The following DAB2IP variants were observed in gnomAD, a reference collection of about 807,000 sequenced individuals.
DAB2IP encodes the protein disabled homolog 2-interacting protein.
A neutral mutation model predicts 107.2 loss-of-function variants in DAB2IP; 28 were observed. That is an observed-to-expected ratio of 0.26 (90% CI 0.19 to 0.36). The LOEUF (loss-of-function observed/expected upper bound fraction) is 0.36, where lower values mean the gene tolerates loss of function less well. Ranked by LOEUF, DAB2IP falls within the 10% of genes least tolerant of loss-of-function variation. The pLI is 1.00. For synonymous variants in DAB2IP, 755 were observed against 706.4 expected (o/e 1.07, Z -1.09); for missense variants, 1,400 against 1,644.7 (o/e 0.85, Z 2.57).
chr9:121,648,981 T>C (rs940634551), upstream of DAB2IP, among the ~76,000 whole-genome samples: 6 of 152,076 alleles, frequency 3.9e-5, no homozygotes, highest in African/African-American at 1.4e-4. Context: ...CCCAGCAGGA[T>C]TGATTCCAGG....
At chr9:121,764,131 G>C (rs900939527) in intron 8 of DAB2IP, among the ~76,000 whole-genome samples, 9 of 152,254 alleles carry the variant, frequency 5.9e-5, no homozygotes, top group African/African-American at 1.9e-4. Context: ...TGTGCCGGGG[G>C]CTATTGTGGG....
intron 3 of DAB2IP, among the ~76,000 whole-genome samples, chr9:121,718,248 G>GGCTC (rs1411014596): frequency 1.3e-5 from 2 of 152,158 alleles, no homozygotes; most frequent in East Asian, 3.9e-4. Context: ...CGCCCTCCAA[G>GGCTC]GCTCACTCAC....
Position 121,684,468 on chromosome 9 carries a change from T to G in DAB2IP, c.228+5687T>G, listed in dbSNP as rs1040656011. Among the ~76,000 whole-genome samples the G allele has an allele frequency of 6.6e-6, 1 of 152,170 alleles. No individual in the cohort carries two copies. Among genetic ancestry groups the G allele is most frequent in the Non-Finnish European group, 1.5e-5 (1 of 68,028 alleles). On this transcript the variant is annotated intron_variant, in intron 2 of 15. Coordinates refer to ENST00000408936, the Ensembl canonical transcript of DAB2IP. The surrounding 1 kb of genome is among the most constrained non-coding windows in gnomAD (Gnocchi z 4.0). The stretch of plus-strand genomic sequence containing the variant: ...TTCTCCCAGCCCCCATCACATTTCC[T>G]GGGAGGAATGGGTGTTCTTTGGTCC...
chr9:121,761,374 T>C (rs1302313486), intron 6 of DAB2IP, among the ~76,000 whole-genome samples: 3 of 152,214 alleles, frequency 2.0e-5, no homozygotes, highest in African/African-American at 7.2e-5. Flanking sequence ...CAGTGGCGTG[T>C]TGTGAGCCAA....
intron 1 of DAB2IP, among the ~76,000 whole-genome samples, chr9:121,571,650 A>G (rs1467025548): frequency 1.3e-5 from 2 of 152,116 alleles, no homozygotes. Context: ...TTCTGATTGC[A>G]TCCATCAGGT....
chr9:121,720,762 TG>T (rs138847992), intron 3 of DAB2IP, among the ~76,000 whole-genome samples: 1,703 of 152,308 alleles, frequency 0.011, 28 homozygotes, highest in African/African-American at 0.038. Flanking sequence ...AGTAGGCACC[TG>T]GCTCATCCTC....
intron 1 of DAB2IP, among the ~76,000 whole-genome samples, chr9:121,583,527 A>G (rs1037389912): frequency 6.6e-6 from 1 of 152,132 alleles, no homozygotes; most frequent in Non-Finnish European, 1.5e-5. Context: ...TCAGAGCAAT[A>G]CTATTTCTCT....
At chr9:121,620,951 CCCTT>C (rs1224023596) in intron 1 of DAB2IP, among the ~76,000 whole-genome samples, 1 of 152,220 alleles carries the variant, frequency 6.6e-6, no homozygotes, top group Non-Finnish European at 1.5e-5. Flanking sequence ...ACATGAAAGG[CCCTT>C]CCTTTCTCCT....
Position 121,782,572 on chromosome 9 carries a change from G to A in DAB2IP, c.*74G>A. 6.4e-7 allele frequency: 1 copy of A among 1,569,696 alleles called. No individual in the cohort carries two copies. The highest frequency in any genetic ancestry group is 8.7e-7 in the Non-Finnish European group (1 of 1,153,864). On this transcript the variant is annotated 3_prime_UTR_variant, in exon 16 of 16. Transcript: ENST00000408936. The surrounding 1 kb of genome is among the most constrained non-coding windows in gnomAD (Gnocchi z 6.1). ...GCCAAGGGCAGGGTCTCGGCCTGGG[G>A]AGGCACCCACGGTTGCAGCCCCAGC... is the stretch of plus-strand genomic sequence containing the variant.
At chr9:121,712,385 G>A (rs1369391735) in intron 3 of DAB2IP, among the ~76,000 whole-genome samples, 1 of 152,234 alleles carries the variant, frequency 6.6e-6, no homozygotes, top group Admixed American at 6.5e-5. Flanking sequence ...AGCCCAAAGG[G>A]AGCAATGCTT....
chr9:121,759,819 CT>C, intron 5 of DAB2IP, 65 bp from the exon 6 acceptor site: 1 of 1,459,312 alleles, frequency 6.9e-7, no homozygotes, highest in Non-Finnish European at 9.3e-7. Flanking sequence ...CTCTCAGGCT[CT>C]GGGCTGGTTG....
At chr9:121,719,697 C>T (rs1272641092) in intron 3 of DAB2IP, among the ~76,000 whole-genome samples, 4 of 152,204 alleles carry the variant, frequency 2.6e-5, no homozygotes, top group Non-Finnish European at 4.4e-5. Flanking sequence ...GGTGCTTCAT[C>T]TCTTAGTGCT....
At chr9:121,737,178 T>A in intron 3 of DAB2IP, 1 of 985,154 alleles carries the variant, frequency 1.0e-6, no homozygotes, top group Non-Finnish European at 1.2e-6. Context: ...CCCAGACCTC[T>A]GTGCTCTGGC....
chr9:121,610,949 T>C (rs1831071350), intron 1 of DAB2IP, among the ~76,000 whole-genome samples: 2 of 152,142 alleles, frequency 1.3e-5, no homozygotes. Context: ...GGATTTCCTT[T>C]TGAGTGGAGT....
At chr9:121,678,863 C>A (rs1293509610) in intron 2 of DAB2IP, 82 bp downstream of exon 2, 5 of 1,293,114 alleles carry the variant, frequency 3.9e-6, no homozygotes, top group Non-Finnish European at 5.1e-6. Flanking sequence ...GACCCCACGG[C>A]CCCCCTTCCT....
At chr9:121,592,940 G>A (rs990133102) in intron 1 of DAB2IP, among the ~76,000 whole-genome samples, 2 of 152,136 alleles carry the variant, frequency 1.3e-5, no homozygotes, top group African/African-American at 4.8e-5. Flanking sequence ...GTTCTACAGT[G>A]TTGTACAGCG....
chr9:121,671,150 A>AAAAAAAC (rs1833665068), intron 1 of DAB2IP, among the ~76,000 whole-genome samples: 1 of 152,080 alleles, frequency 6.6e-6, no homozygotes, highest in African/African-American at 2.4e-5. Flanking sequence ...ACTCCGTCTA[A>AAAAAAAC]AAAAAACAAA....
chr9:121,673,612 GAA>G (rs66831804), intron 1 of DAB2IP, among the ~76,000 whole-genome samples: 28,759 of 152,048 alleles, frequency 0.19, 3,083 homozygotes, highest in Non-Finnish European at 0.24. Context: ...GGGAAATTAG[GAA>G]AAAAGTGTCT....
At chr9:121,655,437 T>A (rs1438531767) in intron 1 of DAB2IP, among the ~76,000 whole-genome samples, 1 of 152,250 alleles carries the variant, frequency 6.6e-6, no homozygotes, top group Non-Finnish European at 1.5e-5. Flanking sequence ...CTTAAGCACC[T>A]ACTATGTGCT....
Sources: allele counts gnomAD v4.1 joint callset (sites outside exome capture counted in the v4.1 genomes callset), GRCh38; gene constraint gnomAD v4.1.1; non-coding constraint Gnocchi (gnomAD v3.1); transcripts MANE v1.5; gene names NCBI Gene and HGNC (gene_info 2026-07-23, HGNC 2026-07-21).